The following OXR1 variants were observed in gnomAD, a reference collection of about 807,000 sequenced individuals.
OXR1 encodes the protein oxidation resistance protein 1.
OXR1 carries 41 observed loss-of-function variants against 104.6 expected under a neutral mutation model. That is an observed-to-expected ratio of 0.39 (90% CI 0.31 to 0.51). The LOEUF (loss-of-function observed/expected upper bound fraction) is 0.51. Among genes scored for constraint, OXR1 ranks in the 20% least tolerant of loss-of-function variants. The pLI is 0.77. For missense variants in OXR1, 955 were observed against 1,031.9 expected (o/e 0.93, Z 1.02); for synonymous variants, 348 against 348.4 (o/e 1.00, Z 0.01).
rs1029017949 is a variant in OXR1, at chr8:106,628,891, T to G, written c.221-50319T>G. On this transcript the variant is annotated intron_variant, in intron 3 of 16. Coordinates refer to ENST00000517566, the MANE Select transcript of OXR1 (RefSeq NM_001198533.2). ...GAACAACTGAAGGAATAAAACAGAC[T>G]CCAAGGATAATTTTAAAGTATGTGG... Among the ~76,000 whole-genome samples the G allele has an allele frequency of 7.9e-5, 12 of 152,250 alleles. No individual in the cohort carries two copies. The East Asian group carries it at 9.7e-4, about 12-fold the overall frequency.
At chr8:106,360,278 A>G (rs1816181909) in intron 2 of OXR1, among the ~76,000 whole-genome samples, 3 of 152,186 alleles carry the variant, frequency 2.0e-5, no homozygotes, top group Admixed American at 1.3e-4. Context: ...ATTTGAAGGT[A>G]TTTTATTGAA....
chr8:106,426,228 T>C (rs1348762465), intron 2 of OXR1, among the ~76,000 whole-genome samples: 1 of 152,046 alleles, frequency 6.6e-6, no homozygotes, highest in Middle Eastern at 3.2e-3. Flanking sequence ...GAACAGGACC[T>C]GGCACCGTAA....
chr8:106,653,547 C>T (rs776015782), intron 3 of OXR1, among the ~76,000 whole-genome samples: 3 of 151,842 alleles, frequency 2.0e-5, no homozygotes, highest in Non-Finnish European at 4.4e-5. Flanking sequence ...CAAAATCTAA[C>T]GTCATTTATG....
At chr8:106,683,076 G>A in intron 4 of OXR1, 123 bp from the exon 5 acceptor site, 1 of 525,708 alleles carries the variant, frequency 1.9e-6, no homozygotes, top group Non-Finnish European at 3.4e-6. Flanking sequence ...TATTTTCAAA[G>A]ATGACAATAC....
intron 1 of OXR1, among the ~76,000 whole-genome samples, chr8:106,355,195 T>G (rs1815912361): frequency 6.6e-6 from 1 of 152,092 alleles, no homozygotes; most frequent in South Asian, 2.1e-4. Flanking sequence ...ATATAGTCTT[T>G]CTCTTGTGAA....
chr8:106,736,614 A>T (rs1474859645), intron 11 of OXR1, among the ~76,000 whole-genome samples: 2 of 152,164 alleles, frequency 1.3e-5, no homozygotes, highest in Non-Finnish European at 2.9e-5. Context: ...TTATGTCATG[A>T]TCTGAAAAAG....
chr8:106,510,873 A>G (rs141510084), intron 2 of OXR1, among the ~76,000 whole-genome samples: 2 of 152,354 alleles, frequency 1.3e-5, no homozygotes, highest in African/African-American at 4.8e-5. Flanking sequence ...TCAGCATCCC[A>G]TTAACTGTTC....
chr8:106,382,743 T>C (rs1270305403), intron 2 of OXR1, among the ~76,000 whole-genome samples: 1 of 146,328 alleles, frequency 6.8e-6, no homozygotes, highest in Non-Finnish European at 1.5e-5. Context: ...CAGGGGGCTA[T>C]ATACTAGGCA....
rs371428655 is a variant in OXR1, at chr8:106,664,169, T to A, written c.221-15041T>A. Among the ~76,000 whole-genome samples, 107 of 152,360 alleles carry A rather than the reference T, an allele frequency of 7.0e-4. 1 individual carries two copies. Among genetic ancestry groups the A allele is most frequent in the African/African-American group, 2.4e-3 (101 of 41,588 alleles). On this transcript the variant is annotated intron_variant, in intron 3 of 16. Transcript: ENST00000517566. Reference sequence around the variant, plus strand: ...CAGGCATGAGGTTGATTTGCCTGTTTTAGAATTGCTGCTTGTCTCACAGGA... The same window carrying A: ...CAGGCATGAGGTTGATTTGCCTGTTATAGAATTGCTGCTTGTCTCACAGGA...
intron 3 of OXR1, among the ~76,000 whole-genome samples, chr8:106,566,922 A>T (rs1817117859): frequency 6.6e-6 from 1 of 152,112 alleles, no homozygotes; most frequent in African/African-American, 2.4e-5. Context: ...CAATGAAAAC[A>T]TATGGGCACA....
chr8:106,703,045 T>A lies in OXR1; in HGVS notation c.815T>A (p.Met272Lys). The A allele has an allele frequency of 6.2e-7, 1 of 1,613,708 alleles. No homozygotes were observed. The highest frequency in any genetic ancestry group is 8.5e-7 in the Non-Finnish European group (1 of 1,179,784). ...CPMEEVMSAAMYKEILDSKIK... is the reference protein window; with the variant it reads ...CPMEEVMSAAKYKEILDSKIK... The stretch of plus-strand genomic sequence containing the variant: ...ATGGAAGAGGTGATGTCAGCTGCAA[T>A]GTACAAAGAAATTTTGGATAGCAAA... The change falls in exon 8 of 17, where the codon ATG (methionine) becomes AAG (lysine). Residue 272 changes from methionine (M) to lysine (K), a missense_variant. Met to Lys is a moderately conservative substitution (Grantham distance 95, BLOSUM62 -1). Transcript: ENST00000517566.
chr8:106,739,663 C>A, intron 13 of OXR1, 80 bp downstream of exon 13: 2 of 1,380,614 alleles, frequency 1.4e-6, no homozygotes, highest in African/African-American at 1.4e-5. Flanking sequence ...TTAGTTGTTT[C>A]TGAAGCAACA....
intron 3 of OXR1, among the ~76,000 whole-genome samples, chr8:106,597,153 G>C (rs1450027362): frequency 6.6e-6 from 1 of 152,178 alleles, no homozygotes; most frequent in African/African-American, 2.4e-5. Flanking sequence ...GAATGTTTAT[G>C]TCTCCCCAAA....
At chr8:106,416,225 AAGAG>A (rs1586621949) in intron 2 of OXR1, among the ~76,000 whole-genome samples, 1 of 152,154 alleles carries the variant, frequency 6.6e-6, no homozygotes, top group Non-Finnish European at 1.5e-5. Context: ...TCATGAGTGT[AAGAG>A]AGAATCATGG....
At chr8:106,587,741 T>A (rs1229185207) in intron 3 of OXR1, among the ~76,000 whole-genome samples, 1 of 152,144 alleles carries the variant, frequency 6.6e-6, no homozygotes, top group Non-Finnish European at 1.5e-5. Flanking sequence ...CTCCCTCTCT[T>A]CTTGCATGTT....
chr8:106,375,091 AT>A (rs1309558952), intron 2 of OXR1, among the ~76,000 whole-genome samples: 2 of 152,180 alleles, frequency 1.3e-5, no homozygotes, highest in Non-Finnish European at 2.9e-5. Flanking sequence ...TCACTTAGAT[AT>A]TTTTCCCTGA....
intron 2 of OXR1, among the ~76,000 whole-genome samples, chr8:106,378,837 A>G (rs1026508084): frequency 6.6e-6 from 1 of 152,120 alleles, no homozygotes; most frequent in African/African-American, 2.4e-5. Context: ...GGGACTTCCA[A>G]TTCTGCTCCT....
intron 3 of OXR1, among the ~76,000 whole-genome samples, chr8:106,593,183 G>A (rs1179037695): frequency 6.6e-6 from 1 of 152,142 alleles, no homozygotes; most frequent in East Asian, 1.9e-4. Context: ...CTCACGGACT[G>A]TTAGATCCCA....
intron 2 of OXR1, among the ~76,000 whole-genome samples, chr8:106,454,605 A>G (rs1820500922): frequency 1.3e-5 from 2 of 152,162 alleles, no homozygotes; most frequent in Non-Finnish European, 2.9e-5. Context: ...ACCCAACAGC[A>G]TCTTCATTTC....
Sources: gnomAD v4.1 joint callset for allele counts (sites outside exome capture counted in the v4.1 genomes callset) on GRCh38, gnomAD v4.1.1 for gene constraint, MANE v1.5 for transcripts, NCBI Gene and HGNC (gene_info 2026-07-23, HGNC 2026-07-21) for gene names.